The following CHCT1 variants were observed in gnomAD, a reference collection of about 807,000 sequenced individuals.
The protein encoded by CHCT1 is CHD1 helical C-terminal domain containing protein 1.
the CHCT1 span, chr17:60,421,617 G>A: frequency 2.0e-6 from 2 of 978,434 alleles, no homozygotes; most frequent in Non-Finnish European, 2.4e-6. Context: ...TCTCGTCGCC[G>A]GGACCCCGCC....
At chr17:60,429,364 G>T in the CHCT1 span, 1 of 1,612,888 alleles carries the variant, frequency 6.2e-7, no homozygotes, top group South Asian at 1.1e-5. Context: ...CATGGCAGGT[G>T]ACATTCTGCG....
the CHCT1 span, chr17:60,426,617 G>T: frequency 6.9e-7 from 1 of 1,448,432 alleles, no homozygotes; most frequent in Non-Finnish European, 9.3e-7. Flanking sequence ...AAAGGGGCAT[G>T]TGGCCCATAT....
At chr17:60,429,208 C>G in the CHCT1 span, among the ~76,000 whole-genome samples, 1 of 152,214 alleles carries the variant, frequency 6.6e-6, no homozygotes, top group South Asian at 2.1e-4. Context: ...AGTCTTTTCT[C>G]TCCCACATCT....
At chr17:60,426,573 TC>T in the CHCT1 span, 3 of 1,254,900 alleles carry the variant, frequency 2.4e-6, no homozygotes, top group Non-Finnish European at 3.3e-6. Flanking sequence ...TTTGGGCAAA[TC>T]CCCACCCCTC....
At chr17:60,431,124 T>G in the CHCT1 span, 302 of 1,200,846 alleles carry the variant, frequency 2.5e-4, no homozygotes, top group Non-Finnish European at 3.3e-4. Context: ...TATTACAGAC[T>G]GAGATTCTTA....
chr17:60,426,559 C>G, the CHCT1 span, among the ~76,000 whole-genome samples: 2 of 152,158 alleles, frequency 1.3e-5, no homozygotes, highest in African/African-American at 2.4e-5. Context: ...ATAGGATATT[C>G]AAGTTTGGGC....
chr17:60,421,843 TG>T, the CHCT1 span: 1 of 985,376 alleles, frequency 1.0e-6, no homozygotes, highest in Admixed American at 6.1e-5. Flanking sequence ...CCCCGCCTGG[TG>T]GCTGCGCACA....
At chr17:60,425,184 A>G in the CHCT1 span, among the ~76,000 whole-genome samples, 1 of 151,908 alleles carries the variant, frequency 6.6e-6, no homozygotes, top group Non-Finnish European at 1.5e-5. Flanking sequence ...AGATTTGAGG[A>G]TCTCCTTCCA....
chr17:60,430,462 T>C, the CHCT1 span, among the ~76,000 whole-genome samples: 1 of 152,154 alleles, frequency 6.6e-6, no homozygotes, highest in Non-Finnish European at 1.5e-5. Flanking sequence ...ACTATGTTAA[T>C]AAAGTAAGTT....
the CHCT1 span, chr17:60,426,490 C>A: frequency 2.9e-6 from 3 of 1,041,878 alleles, no homozygotes; most frequent in Non-Finnish European, 4.1e-6. Context: ...TCACTCAGGA[C>A]AGCCCTGACT....
chr17:60,426,624 A>G, the CHCT1 span: 2 of 1,494,920 alleles, frequency 1.3e-6, no homozygotes, highest in Non-Finnish European at 1.8e-6. Context: ...CATGTGGCCC[A>G]TATTCCCCTG....
the CHCT1 span, chr17:60,426,496 T>C: frequency 9.6e-7 from 1 of 1,036,714 alleles, no homozygotes; most frequent in East Asian, 2.6e-5. Context: ...AGGACAGCCC[T>C]GACTGCACCT....
At chr17:60,422,260 A>G in the CHCT1 span, 4 of 371,578 alleles carry the variant, frequency 1.1e-5, no homozygotes, top group Non-Finnish European at 1.5e-5. Context: ...TGGTGTCAGG[A>G]TCAGCATCTG....
At chr17:60,427,612 C>T in the CHCT1 span, among the ~76,000 whole-genome samples, 1 of 152,082 alleles carries the variant, frequency 6.6e-6, no homozygotes, top group Non-Finnish European at 1.5e-5. Context: ...CGAGGTTTCA[C>T]TATGTTGGCC....
the CHCT1 span, chr17:60,422,440 T>A: frequency 2.7e-6 from 4 of 1,503,188 alleles, no homozygotes; most frequent in East Asian, 1.0e-4. Flanking sequence ...GGTGGGGGGC[T>A]GGGTTCTGTG....
At chr17:60,425,371 C>T in the CHCT1 span, among the ~76,000 whole-genome samples, 1 of 152,122 alleles carries the variant, frequency 6.6e-6, no homozygotes, top group Non-Finnish European at 1.5e-5. Flanking sequence ...TTTGTAGAGA[C>T]CAGGTCTCAC....
the CHCT1 span, chr17:60,429,250 A>G: frequency 8.3e-7 from 1 of 1,201,172 alleles, no homozygotes. Context: ...TGGTTAGGCA[A>G]GTGTGACCGG....
the CHCT1 span, chr17:60,429,277 T>C: frequency 7.0e-7 from 1 of 1,429,038 alleles, no homozygotes; most frequent in Non-Finnish European, 9.5e-7. Context: ...GACCTTAGCA[T>C]TTCTCAACAA....
the CHCT1 span, chr17:60,422,728 A>T: frequency 7.2e-7 from 1 of 1,385,986 alleles, no homozygotes; most frequent in Non-Finnish European, 9.7e-7. Context: ...TTCAGGAAAG[A>T]AGAGAAGAAC....
Sources: allele counts gnomAD v4.1 joint callset (sites outside exome capture counted in the v4.1 genomes callset), GRCh38; gene constraint gnomAD v4.1.1; transcripts MANE v1.5; gene names NCBI Gene and HGNC (gene_info 2026-07-23, HGNC 2026-07-21).